NXPH2: variants seen among roughly 807,000 people sequenced by gnomAD.
NXPH2 encodes neurexophilin-2.
A neutral mutation model predicts 19.8 loss-of-function variants in NXPH2; 5 were observed. The ratio of observed to expected loss-of-function variants is 0.25; its 90% CI spans 0.13 to 0.53. The LOEUF (loss-of-function observed/expected upper bound fraction) is 0.53, where lower values mean the gene tolerates loss of function less well. Among genes scored for constraint, NXPH2 ranks in the 20% least tolerant of loss-of-function variants. NXPH2 has a pLI of 0.96. For missense variants in NXPH2, 289 were observed against 322.8 expected, an observed-to-expected ratio of 0.90 and a Z score of 0.80; for synonymous variants, 154 against 127.4, an observed-to-expected ratio of 1.21 and a Z score of -1.41.
At chr2:138,736,036 G>A (rs1681533578) in intron 1 of NXPH2, among the ~76,000 whole-genome samples, 1 of 152,202 alleles carries the variant, frequency 6.6e-6, no homozygotes, top group Admixed American at 6.5e-5. Context: ...TGGCTCTGCA[G>A]GGTACAGCCT....
At chr2:138,691,767 G>A (rs13413759) in intron 1 of NXPH2, among the ~76,000 whole-genome samples, 27,608 of 152,008 alleles carry the variant, frequency 0.18, 5,417 homozygotes, top group African/African-American at 0.5. Flanking sequence ...TCCCTTCCAA[G>A]GACCCAAGTA....
At chr2:138,695,460 A>C (rs1261670075) in intron 1 of NXPH2, among the ~76,000 whole-genome samples, 1 of 152,144 alleles carries the variant, frequency 6.6e-6, no homozygotes. Flanking sequence ...AAGAATGAAT[A>C]ATGTGAAGAT....
chr2:138,760,571 G>T (rs1681995173), intron 1 of NXPH2, among the ~76,000 whole-genome samples: 1 of 152,118 alleles, frequency 6.6e-6, no homozygotes, highest in African/African-American at 2.4e-5. Context: ...CTAAAACTAA[G>T]TAGAACTAGC....
At chr2:138,759,180 G>A (rs1234359146) in intron 1 of NXPH2, among the ~76,000 whole-genome samples, 1 of 152,018 alleles carries the variant, frequency 6.6e-6, no homozygotes, top group South Asian at 2.1e-4. Flanking sequence ...TTGATAGTGG[G>A]TGTTTTTATT....
intron 1 of NXPH2, among the ~76,000 whole-genome samples, chr2:138,743,831 C>T (rs1240343088): frequency 1.3e-5 from 2 of 151,804 alleles, no homozygotes; most frequent in Non-Finnish European, 2.9e-5. Context: ...GATGAAACCC[C>T]ATCTCTATTA....
chr2:138,709,871 T>C (rs1681072184), intron 1 of NXPH2, among the ~76,000 whole-genome samples: 1 of 152,240 alleles, frequency 6.6e-6, no homozygotes, highest in Non-Finnish European at 1.5e-5. Context: ...TGGAATAACA[T>C]TCCATTGCCT....
intron 1 of NXPH2, among the ~76,000 whole-genome samples, chr2:138,710,453 A>T (rs1022345912): frequency 6.6e-6 from 1 of 152,086 alleles, no homozygotes; most frequent in Non-Finnish European, 1.5e-5. Flanking sequence ...GTTATATGGT[A>T]ATTCTATGTT....
chr2:138,740,757 G>T (rs567291304), intron 1 of NXPH2, among the ~76,000 whole-genome samples: 6 of 151,866 alleles, frequency 4.0e-5, no homozygotes, highest in Non-Finnish European at 8.8e-5. Flanking sequence ...AAAGTCTCCT[G>T]CTTGCTTTAT....
intron 1 of NXPH2, among the ~76,000 whole-genome samples, chr2:138,734,238 C>A (rs1681499046): frequency 6.6e-6 from 1 of 152,094 alleles, no homozygotes; most frequent in South Asian, 2.1e-4. Flanking sequence ...GAAGAAGACT[C>A]TGTCACAAAA....
chr2:138,732,031 A>G (rs1332186498), intron 1 of NXPH2, among the ~76,000 whole-genome samples: 1 of 152,196 alleles, frequency 6.6e-6, no homozygotes, highest in East Asian at 1.9e-4. Flanking sequence ...GGATAAGTGG[A>G]TTAAGAGGAA....
intron 1 of NXPH2, among the ~76,000 whole-genome samples, chr2:138,674,472 G>C (rs892798453): frequency 6.6e-6 from 1 of 152,054 alleles, no homozygotes; most frequent in Non-Finnish European, 1.5e-5. Context: ...TTTTTATACA[G>C]ATGAGGTCTT....
intron 1 of NXPH2, among the ~76,000 whole-genome samples, chr2:138,718,030 G>A (rs1216285989): frequency 6.6e-6 from 1 of 151,760 alleles, no homozygotes. Context: ...AAAAGAGAAA[G>A]TAAAACCATA....
At chr2:138,723,686 A>G (rs188821489) in intron 1 of NXPH2, among the ~76,000 whole-genome samples, 2 of 152,276 alleles carry the variant, frequency 1.3e-5, no homozygotes, top group South Asian at 2.1e-4. Flanking sequence ...TTGTCACAGT[A>G]CCATTGCAGG....
intron 1 of NXPH2, among the ~76,000 whole-genome samples, chr2:138,736,126 A>G (rs189074491): frequency 6.6e-6 from 1 of 152,290 alleles, no homozygotes; most frequent in Admixed American, 6.5e-5. Context: ...CAGTGGATCT[A>G]TCATTCTGGG....
At position 138,670,952 on chromosome 2, in the gene NXPH2, A is replaced by G. The variant is rs1680404171; in HGVS notation, c.765T>C (p.His255=). ...VQKVCPDYNY[H]SETPYLSSG is the part of the protein sequence containing the mutation. ...CAGAAGATAAGTATGGGGTCTCACT[A>G]TGGTAATTGTAGTCAGGGCACACCT... The change falls in exon 2 of 2, where the codon CAT becomes CAC. Residue 255 remains histidine, a synonymous_variant. Transcript: ENST00000272641. The G allele has an allele frequency of 2.5e-6, 4 of 1,613,670 alleles. No individual in the cohort carries two copies. Among genetic ancestry groups the G allele is most frequent in the African/African-American group, 1.3e-5 (1 of 74,912 alleles).
chr2:138,716,988 G>C (rs988317180), intron 1 of NXPH2, among the ~76,000 whole-genome samples: 1 of 152,144 alleles, frequency 6.6e-6, no homozygotes, highest in African/African-American at 2.4e-5. Flanking sequence ...TGTTTGAAAT[G>C]ACAGATGGAT....
intron 1 of NXPH2, among the ~76,000 whole-genome samples, chr2:138,738,278 G>A (rs956759902): frequency 2.6e-5 from 4 of 152,050 alleles, no homozygotes. Flanking sequence ...TGTAAAATGG[G>A]AATAATATAT....
intron 1 of NXPH2, among the ~76,000 whole-genome samples, chr2:138,677,201 C>T (rs563146856): frequency 8.7e-4 from 133 of 152,268 alleles, no homozygotes; most frequent in African/African-American, 3.0e-3. Flanking sequence ...TGGGGCTCTT[C>T]GGGCTAATTT....
chr2:138,684,621 G>T (rs912315691), intron 1 of NXPH2, among the ~76,000 whole-genome samples: 1 of 152,070 alleles, frequency 6.6e-6, no homozygotes, highest in African/African-American at 2.4e-5. Flanking sequence ...TCCAAATCAG[G>T]GTCAATTTTA....
Sources: gnomAD v4.1 joint callset for allele counts (sites outside exome capture counted in the v4.1 genomes callset) on GRCh38, gnomAD v4.1.1 for gene constraint, MANE v1.5 for transcripts, NCBI Gene and HGNC (gene_info 2026-07-23, HGNC 2026-07-21) for gene names.